Variants in STRIP2 observed in about 807,000 individuals in gnomAD.
STRIP2 encodes striatin-interacting protein 2.
In STRIP2, 84 loss-of-function variants were observed where a neutral mutation model predicts 107.1. The ratio of observed to expected loss-of-function variants is 0.78; its 90% CI spans 0.66 to 0.94. STRIP2 has a LOEUF of 0.94. Among genes scored for constraint, STRIP2 ranks in the 40% least tolerant of loss-of-function variants. The probability of loss-of-function intolerance (pLI) is 0.00; values close to 1 mark genes in which losing one functional copy is unlikely to be tolerated. For synonymous variants in STRIP2, 394 were observed against 400.4 expected, an observed-to-expected ratio of 0.98 and a Z score of 0.19; for missense variants, 888 against 1,034.2, an observed-to-expected ratio of 0.86 and a Z score of 1.94.
In STRIP2 at chr7:129,486,958, G is replaced by A. The variant is rs1305033250; in HGVS notation, c.*1129G>A. Reference sequence around the variant, plus strand: ...TCACATACTTCTCAAGATAAACAAGGTTTTTAAAAAAGTTTCTGATTTAGT... The same window carrying A: ...TCACATACTTCTCAAGATAAACAAGATTTTTAAAAAAGTTTCTGATTTAGT... On this transcript the variant is annotated 3_prime_UTR_variant, in exon 21 of 21. Coordinates refer to ENST00000249344, the MANE Select transcript of STRIP2 (RefSeq NM_020704.3). The A allele has an allele frequency of 8.1e-6, 1 of 122,810 alleles. No individual in the cohort carries two copies. Among genetic ancestry groups the A allele is most frequent in the Non-Finnish European group, 1.7e-5 (1 of 59,640 alleles). The allele number at this position is 122,810 out of a possible 1,614,324, so 7.6% of individuals were successfully genotyped here.
chr7:129,470,474 G>T (rs1277448877), intron 17 of STRIP2, among the ~76,000 whole-genome samples, 175 bp from the exon 18 acceptor site: 1 of 152,206 alleles, frequency 6.6e-6, no homozygotes, highest in Non-Finnish European at 1.5e-5. Flanking sequence ...GACAGGAAAG[G>T]AGACTGGAGC....
Position 129,453,272 on chromosome 7 carries a change from C to T in STRIP2, c.455C>T (p.Ser152Phe), listed in dbSNP as rs373778102. The T allele has an allele frequency of 1.5e-5, 24 of 1,614,150 alleles. No homozygotes were observed. The highest frequency in any genetic ancestry group is 2.0e-5 in the Non-Finnish European group (24 of 1,180,018). ...CDSEVDVLHW[S>F]RYNCFLLYQM... is the part of the protein sequence containing the mutation. ...TCAGAGGTCGATGTGCTACACTGGT[C>T]CAGGTACAACTGCTTCCTGCTGTAT... The change falls in exon 5 of 21, where the codon TCC becomes TTC. Residue 152 changes from serine to phenylalanine, a missense_variant. Ser to Phe is a radical substitution (Grantham distance 155). Transcript: ENST00000249344.
intron 19 of STRIP2, among the ~76,000 whole-genome samples, chr7:129,482,333 TTCTCTC>T (rs61017071): frequency 5.5e-4 from 48 of 87,760 alleles, no homozygotes; most frequent in Non-Finnish European, 6.9e-4. Context: ...AATGGAATAG[TTCTCTC>T]TCTCTCTCTC....
intron 20 of STRIP2, among the ~76,000 whole-genome samples, chr7:129,485,270 A>G (rs577012190): frequency 6.6e-6 from 1 of 152,272 alleles, no homozygotes; most frequent in African/African-American, 2.4e-5. Flanking sequence ...AGGAAATACA[A>G]TAGAAGAAGT....
At chr7:129,446,409 CA>C (rs1467022013) in intron 3 of STRIP2, among the ~76,000 whole-genome samples, 6 of 152,200 alleles carry the variant, frequency 3.9e-5, no homozygotes, top group Admixed American at 6.5e-5. Flanking sequence ...ACCATCCAGC[CA>C]AATCATTGGC....
intron 19 of STRIP2, among the ~76,000 whole-genome samples, chr7:129,481,539 G>A (rs1056673727): frequency 6.6e-6 from 1 of 152,010 alleles, no homozygotes. Flanking sequence ...CTGGAAACAA[G>A]CTAAATGCTC....
intron 18 of STRIP2, among the ~76,000 whole-genome samples, chr7:129,476,203 TC>T (rs1344275141): frequency 1.4e-5 from 2 of 143,700 alleles, no homozygotes; most frequent in African/African-American, 5.3e-5. Flanking sequence ...GCCCCCCACC[TC>T]CCTCCCGGAC....
rs1332866323 is a variant in STRIP2 at position 129,486,778 on chromosome 7, GTTGA to G, written c.*952_*955del. On this transcript the variant is annotated 3_prime_UTR_variant, in exon 21 of 21. Coordinates refer to ENST00000249344, the MANE Select transcript of STRIP2 (RefSeq NM_020704.3). Reference sequence around the variant, plus strand: ...CTTACCATTTTTCTTTTTCTGCAGTGTTGATTAATGATTTTTTTCCCGTTTATTG... The same window carrying G: ...CTTACCATTTTTCTTTTTCTGCAGTGTTAATGATTTTTTTCCCGTTTATTG... 2.0e-5 allele frequency: 3 copies of G among 152,116 alleles called. No individual in the cohort carries two copies. Among genetic ancestry groups the G allele is most frequent in the Admixed American group, 6.6e-5 (1 of 15,258 alleles). The allele number at this position is 152,116 out of a possible 1,614,324, so 9.4% of individuals were successfully genotyped here.
chr7:129,459,394 C>CT, intron 11 of STRIP2, 123 bp from the exon 12 acceptor site: 3 of 806,168 alleles, frequency 3.7e-6, no homozygotes, highest in Non-Finnish European at 2.2e-6. Flanking sequence ...AGAGGAAGGT[C>CT]TAGGGTACTG....
intron 17 of STRIP2, among the ~76,000 whole-genome samples, chr7:129,469,808 G>A (rs1357951285): frequency 1.3e-5 from 2 of 152,262 alleles, no homozygotes; most frequent in African/African-American, 2.4e-5. Context: ...ACTTGTCGTC[G>A]TCAAAGCCAC....
chr7:129,440,866 T>C (rs1275304375), intron 2 of STRIP2, among the ~76,000 whole-genome samples: 2 of 152,204 alleles, frequency 1.3e-5, no homozygotes, highest in Admixed American at 1.3e-4. Context: ...CTTTGAGGCA[T>C]GCTTTTTCAG....
At chr7:129,451,533 G>C in intron 3 of STRIP2, 80 bp from the exon 4 acceptor site, 2 of 1,529,420 alleles carry the variant, frequency 1.3e-6, no homozygotes, top group Admixed American at 3.7e-5. Context: ...GCTGAGATCA[G>C]AGGTGGATAT....
At chr7:129,451,811 G>A in intron 4 of STRIP2, 64 bp downstream of exon 4, 3 of 1,591,934 alleles carry the variant, frequency 1.9e-6, no homozygotes, top group Admixed American at 1.7e-5. Context: ...GGCATTATCA[G>A]GACTGAGATG....
At chr7:129,454,611 G>A (rs1798293005) in intron 7 of STRIP2, 84 bp downstream of exon 7, 2 of 857,954 alleles carry the variant, frequency 2.3e-6, no homozygotes, top group Middle Eastern at 2.2e-4. Flanking sequence ...GAGGCAGACA[G>A]TCGTTTTTTC....
intron 4 of STRIP2, among the ~76,000 whole-genome samples, chr7:129,452,439 A>G (rs2150996057): frequency 6.6e-6 from 1 of 152,320 alleles, no homozygotes; most frequent in East Asian, 1.9e-4. Context: ...GAAAGGGTGG[A>G]CATTAGGTGA....
chr7:129,455,167 C>T (rs1439667392), intron 7 of STRIP2, 77 bp from the exon 8 acceptor site: 33 of 1,517,176 alleles, frequency 2.2e-5, no homozygotes, highest in Non-Finnish European at 2.4e-5. Flanking sequence ...CTGTGTGTGT[C>T]CAGAATCAGG....
intron 17 of STRIP2, among the ~76,000 whole-genome samples, chr7:129,469,096 C>A (rs1798735534): frequency 6.6e-6 from 1 of 152,222 alleles, no homozygotes; most frequent in Non-Finnish European, 1.5e-5. Flanking sequence ...CCTAGATCAA[C>A]TGTGGCTAGG....
intron 5 of STRIP2, 66 bp from the exon 6 acceptor site, chr7:129,454,076 A>T (rs1798270839): frequency 6.9e-7 from 1 of 1,444,946 alleles, no homozygotes; most frequent in Admixed American, 1.7e-5. Context: ...TGTGTGAGTG[A>T]TAAGTAAGAG....
At chr7:129,482,805 C>T (rs1427208233) in intron 19 of STRIP2, 37 bp from the exon 20 acceptor site, 17 of 1,607,880 alleles carry the variant, frequency 1.1e-5, no homozygotes, top group African/African-American at 1.3e-5. Flanking sequence ...TTCCAAGAAA[C>T]GTTAGATCTT....
Sources: allele counts gnomAD v4.1 joint callset (sites outside exome capture counted in the v4.1 genomes callset), GRCh38; gene constraint gnomAD v4.1.1; transcripts MANE v1.5; gene names NCBI Gene and HGNC (gene_info 2026-07-23, HGNC 2026-07-21).